CFAP54: variants seen among roughly 807,000 people sequenced by gnomAD.
The protein encoded by CFAP54 is cilia- and flagella-associated protein 54.
Under a neutral mutation model 370.4 loss-of-function variants are expected in CFAP54, and 290 were observed. The observed-to-expected ratio is 0.78, with a 90% confidence interval of 0.71 to 0.86. CFAP54 has a LOEUF of 0.86. Ranked by LOEUF, CFAP54 falls within the 40% of genes least tolerant of loss-of-function variation. CFAP54 has a pLI of 0.00. For synonymous variants in CFAP54, 1,206 were observed against 1,236.5 expected (o/e 0.98, Z 0.52); for missense variants, 3,399 against 3,528.7 (o/e 0.96, Z 0.93).
At chr12:96,760,541 A>T (rs7299841) in intron 58 of CFAP54, among the ~76,000 whole-genome samples, 55,275 of 151,964 alleles carry the variant, frequency 0.36, 10,804 homozygotes, top group East Asian at 0.58. Context: ...GAGTTTATTT[A>T]AGTTTTTCTG....
chr12:96,580,579 C>T lies in CFAP54; in HGVS notation c.2797-18C>T, dbSNP rs999917435. The T allele has an allele frequency of 2.1e-6, 3 of 1,446,892 alleles. No individual in the cohort carries two copies. The highest frequency in any genetic ancestry group is 2.7e-6 in the Non-Finnish European group (3 of 1,097,470). The allele number at this position is 1,446,892 out of a possible 1,614,324, so 89.6% of individuals were successfully genotyped here. ...TAAAAGAATGCCTTTTAAACAGGCT[C>T]ATTTTTCTCGTCGGCAGGTCTCCTG... On this transcript the variant is annotated intron_variant, in intron 20 of 67. Transcript: ENST00000524981.
chr12:96,626,469 T>C (rs1454627408), intron 29 of CFAP54, among the ~76,000 whole-genome samples: 1 of 152,102 alleles, frequency 6.6e-6, no homozygotes, highest in Non-Finnish European at 1.5e-5. Flanking sequence ...CATAATTGAT[T>C]AATTCAGAGT....
chr12:96,705,582 A>G (rs1957537795), intron 47 of CFAP54, among the ~76,000 whole-genome samples: 1 of 152,150 alleles, frequency 6.6e-6, no homozygotes, highest in Non-Finnish European at 1.5e-5. Flanking sequence ...TAAATGCTAG[A>G]GCATCCTAAA....
At chr12:96,778,265 C>T (rs1958542311) in intron 60 of CFAP54, among the ~76,000 whole-genome samples, 2 of 152,174 alleles carry the variant, frequency 1.3e-5, no homozygotes, top group South Asian at 4.1e-4. Context: ...TCAGTGTCAA[C>T]TGTATAAAAT....
intron 55 of CFAP54, among the ~76,000 whole-genome samples, chr12:96,752,667 C>G (rs1246253941): frequency 6.6e-6 from 1 of 152,214 alleles, no homozygotes; most frequent in Non-Finnish European, 1.5e-5. Flanking sequence ...GATGGTTTCC[C>G]TAACTCCCCC....
chr12:96,553,067 T>C (rs150718001), intron 15 of CFAP54, among the ~76,000 whole-genome samples: 222 of 152,332 alleles, frequency 1.5e-3, no homozygotes, highest in African/African-American at 5.1e-3. Flanking sequence ...CAGAGGCTTC[T>C]GAGCAAACTC....
chr12:96,759,674 A>C (rs1416381935), intron 58 of CFAP54, among the ~76,000 whole-genome samples: 1 of 152,208 alleles, frequency 6.6e-6, no homozygotes, highest in Non-Finnish European at 1.5e-5. Flanking sequence ...GTGTCCATAC[A>C]GCAGAGTGAC....
intron 66 of CFAP54, among the ~76,000 whole-genome samples, chr12:96,849,244 A>G (rs1441018884): frequency 6.6e-6 from 1 of 152,238 alleles, no homozygotes; most frequent in Non-Finnish European, 1.5e-5. Context: ...TTAAGCTATT[A>G]AAGTTTTTTT....
chr12:96,513,588 A>G (rs970845444), intron 5 of CFAP54, among the ~76,000 whole-genome samples: 2 of 152,124 alleles, frequency 1.3e-5, no homozygotes, highest in East Asian at 3.9e-4. Flanking sequence ...AAAAAATACA[A>G]AAATTAGCCG....
At chr12:96,862,715 G>T (rs1959908197) in intron 67 of CFAP54, among the ~76,000 whole-genome samples, 1 of 152,188 alleles carries the variant, frequency 6.6e-6, no homozygotes, top group Non-Finnish European at 1.5e-5. Flanking sequence ...ACCCTCATAT[G>T]AAATAAAGTT....
At chr12:96,746,385 A>C (rs1958114633) in intron 55 of CFAP54, among the ~76,000 whole-genome samples, 1 of 151,552 alleles carries the variant, frequency 6.6e-6, no homozygotes. Context: ...CCCTCACCCC[A>C]CTTCATTCTG....
At chr12:96,673,397 T>C (rs1209417808) in intron 39 of CFAP54, among the ~76,000 whole-genome samples, 9 of 152,322 alleles carry the variant, frequency 5.9e-5, no homozygotes, top group African/African-American at 1.9e-4. Flanking sequence ...CAGTGGTCAC[T>C]GAAGACAGAC....
intron 63 of CFAP54, among the ~76,000 whole-genome samples, chr12:96,803,318 C>G (rs923692675): frequency 6.6e-6 from 1 of 152,098 alleles, no homozygotes; most frequent in African/African-American, 2.4e-5. Flanking sequence ...TTCTATTTCT[C>G]CACAGCCTCT....
At chr12:96,613,484 T>G (rs1956382075) in intron 26 of CFAP54, among the ~76,000 whole-genome samples, 1 of 151,916 alleles carries the variant, frequency 6.6e-6, no homozygotes, top group African/African-American at 2.4e-5. Context: ...GCGAACACAT[T>G]CAAAAGCTAG....
intron 64 of CFAP54, among the ~76,000 whole-genome samples, chr12:96,813,163 T>TC (rs1958943531): frequency 6.6e-6 from 1 of 152,226 alleles, no homozygotes; most frequent in African/African-American, 2.4e-5. Context: ...CTGATAAGCT[T>TC]CTTTTTTTTA....
intron 65 of CFAP54, among the ~76,000 whole-genome samples, chr12:96,826,307 G>GACAATATATATATTGAATATATATAGTCT (rs1565993273): frequency 1.9e-5 from 2 of 105,158 alleles, no homozygotes; most frequent in Non-Finnish European, 3.9e-5. Flanking sequence ...ATATATAGAA[G>GACAATATATATATTGAATATATATAGTCT]ACAATATATA....
intron 26 of CFAP54, among the ~76,000 whole-genome samples, chr12:96,620,450 T>C (rs946557803): frequency 3.3e-5 from 5 of 152,200 alleles, no homozygotes; most frequent in Non-Finnish European, 5.9e-5. Context: ...ATGTAAGACA[T>C]GACTTTGCCC....
chr12:96,840,052 C>G (rs1020630283), intron 66 of CFAP54, among the ~76,000 whole-genome samples: 1 of 152,184 alleles, frequency 6.6e-6, no homozygotes, highest in Non-Finnish European at 1.5e-5. Context: ...AGACTCTACT[C>G]CTTCACTGGA....
At chr12:96,496,912 T>C (rs1207251972) in intron 1 of CFAP54, among the ~76,000 whole-genome samples, 1 of 152,232 alleles carries the variant, frequency 6.6e-6, no homozygotes, top group Non-Finnish European at 1.5e-5. Context: ...AAAATGCTGT[T>C]TGTTTTGTTT....
Sources: gnomAD v4.1 joint callset for allele counts (sites outside exome capture counted in the v4.1 genomes callset) on GRCh38, gnomAD v4.1.1 for gene constraint, MANE v1.5 for transcripts, NCBI Gene and HGNC (gene_info 2026-07-23, HGNC 2026-07-21) for gene names.